The following NOS1AP variants were observed in gnomAD, a reference collection of about 807,000 sequenced individuals.
NOS1AP encodes carboxyl-terminal PDZ ligand of neuronal nitric oxide synthase protein.
A neutral mutation model predicts 56.2 loss-of-function variants in NOS1AP; 21 were observed. The ratio of observed to expected loss-of-function variants is 0.37; its 90% CI spans 0.26 to 0.54. The LOEUF is 0.54. NOS1AP is among the 20% of genes least tolerant of loss of function. NOS1AP has a pLI of 0.84. For synonymous variants in NOS1AP, 270 were observed against 274.6 expected (o/e 0.98, Z 0.17); for missense variants, 522 against 657.8 (o/e 0.79, Z 2.26).
At chr1:162,353,132 C>T (rs1041014975) in intron 6 of NOS1AP, among the ~76,000 whole-genome samples, 15 of 150,230 alleles carry the variant, frequency 1.0e-4, no homozygotes, top group African/African-American at 3.4e-4. Context: ...ATTGTCTTCA[C>T]TCAAGCCCTC....
At chr1:162,153,624 G>A (rs1411581333) in intron 1 of NOS1AP, among the ~76,000 whole-genome samples, 2 of 152,184 alleles carry the variant, frequency 1.3e-5, no homozygotes, top group African/African-American at 4.8e-5. Context: ...TGCCCTAGTT[G>A]TATTTAAAGT....
At chr1:162,279,708 A>G (rs2101728754) in intron 2 of NOS1AP, among the ~76,000 whole-genome samples, 1 of 152,304 alleles carries the variant, frequency 6.6e-6, no homozygotes. Context: ...TTTCTGTTAT[A>G]AAATGGGGTT....
chr1:162,145,819 AG>A (rs1649439277), intron 1 of NOS1AP, among the ~76,000 whole-genome samples: 1 of 152,200 alleles, frequency 6.6e-6, no homozygotes, highest in African/African-American at 2.4e-5. Flanking sequence ...GAGAGGACAC[AG>A]TATGACCAGG....
chr1:162,294,329 G>A (rs192163751), intron 3 of NOS1AP, among the ~76,000 whole-genome samples: 47 of 152,190 alleles, frequency 3.1e-4, no homozygotes, highest in Middle Eastern at 6.8e-3. Context: ...GTTGTCTGTC[G>A]GGATCCCCAC....
rs1337668061 is a variant in NOS1AP, at chr1:162,343,853, G to A, written c.472G>A (p.Val158Ile). ...TTCCCAGAGCCAAGCTATGAGAATCGTTCGGACGGTGGGGCAGGCCTTTGA... is the reference window on the plus strand; with the variant it reads ...TTCCCAGAGCCAAGCTATGAGAATCATTCGGACGGTGGGGCAGGCCTTTGA... Reference protein sequence around the residue: ...SKKKSQAMRIVRTVGQAFEVC... With the variant: ...SKKKSQAMRIIRTVGQAFEVC... The change falls in exon 6 of 10, where the codon GTT (valine) becomes ATT (isoleucine). Residue 158 changes from valine to isoleucine, a missense_variant. This residue lies in a region of NOS1AP where 132 missense variants were observed against 218.1 expected (regional missense o/e 0.61). Transcript: ENST00000361897. 6.2e-7 allele frequency: 1 copy of A among 1,614,098 alleles called. No homozygotes were observed. Among genetic ancestry groups the A allele is most frequent in the South Asian group, 1.1e-5 (1 of 91,080 alleles).
intron 2 of NOS1AP, among the ~76,000 whole-genome samples, chr1:162,284,750 G>A (rs1655040697): frequency 6.6e-6 from 1 of 152,240 alleles, no homozygotes; most frequent in Admixed American, 6.5e-5. Context: ...AATACTAACT[G>A]TAGAAATAGA....
At chr1:162,207,747 A>G (rs1652207743) in intron 2 of NOS1AP, among the ~76,000 whole-genome samples, 4 of 152,208 alleles carry the variant, frequency 2.6e-5, no homozygotes, top group Admixed American at 2.6e-4. Context: ...TCAGTCCCAT[A>G]AAATTGGATG....
At chr1:162,091,193 G>C (rs79812778) in intron 1 of NOS1AP, among the ~76,000 whole-genome samples, 7,401 of 152,120 alleles carry the variant, frequency 0.049, 223 homozygotes, top group African/African-American at 0.079. Context: ...AGTTTCTCTT[G>C]GTGTGGAGTC....
At chr1:162,344,430 C>A (rs536977781) in intron 6 of NOS1AP, among the ~76,000 whole-genome samples, 1 of 151,848 alleles carries the variant, frequency 6.6e-6, no homozygotes, top group African/African-American at 2.4e-5. Flanking sequence ...CGCAGTGTCT[C>A]AAGTCTGTTA....
At chr1:162,107,473 A>G (rs975765456) in intron 1 of NOS1AP, among the ~76,000 whole-genome samples, 2 of 152,068 alleles carry the variant, frequency 1.3e-5, no homozygotes, top group Admixed American at 6.5e-5. Flanking sequence ...AGCTAGGACT[A>G]TAGGTGTGCA....
chr1:162,319,575 A>T (rs1356827006), intron 4 of NOS1AP, among the ~76,000 whole-genome samples: 2 of 149,740 alleles, frequency 1.3e-5, no homozygotes, highest in Admixed American at 1.3e-4. Flanking sequence ...ATGCCTTTCC[A>T]CATGCAGTTT....
At position 162,264,416 on chromosome 1, in the gene NOS1AP, TTCTCTTCC is replaced by T. The variant is rs1450911643; in HGVS notation, c.178-22927_178-22920del. Among the ~76,000 whole-genome samples the T allele has an allele frequency of 8.3e-3, 20 of 2,418 alleles. 3 individuals are homozygous for T. Among genetic ancestry groups the T allele is most frequent in the Non-Finnish European group, 0.03 (15 of 508 alleles). The allele number at this position is 2,418 out of a possible 152,430, so 1.6% of individuals were successfully genotyped here. A position where few individuals can be genotyped will look rare whatever the true frequency, so the allele number is the denominator to read the frequency against. ...CTTTGCCCTCTCCTCTTCTCTTCCCTTCTCTTCCCTTCTCTTCTCTTCTCTTCTCTTCT... is the reference window on the plus strand; with the variant it reads ...CTTTGCCCTCTCCTCTTCTCTTCCCTCTTCTCTTCTCTTCTCTTCTCTTCT... On this transcript the variant is annotated intron_variant, in intron 2 of 9. Coordinates refer to ENST00000361897, the MANE Select transcript of NOS1AP (RefSeq NM_014697.3).
At chr1:162,102,628 A>G (rs1364778514) in intron 1 of NOS1AP, among the ~76,000 whole-genome samples, 1 of 152,098 alleles carries the variant, frequency 6.6e-6, no homozygotes, top group Non-Finnish European at 1.5e-5. Flanking sequence ...TTTTTAGTCT[A>G]TTCAGGGATT....
At chr1:162,158,111 A>G (rs1017794959) in intron 2 of NOS1AP, among the ~76,000 whole-genome samples, 2 of 152,198 alleles carry the variant, frequency 1.3e-5, no homozygotes, top group Non-Finnish European at 1.5e-5. Flanking sequence ...GAACTTTTTC[A>G]TCTTGCAAAA....
chr1:162,342,643 G>C (rs777117370), intron 5 of NOS1AP: 5 of 487,380 alleles, frequency 1.0e-5, no homozygotes, highest in Non-Finnish European at 2.1e-5. Context: ...CTTCAACAAG[G>C]CCTTCTAGAC....
Position 162,367,533 on chromosome 1 carries a change from G to A in NOS1AP, c.*66G>A. 2 of 1,477,890 alleles carry A rather than the reference G, an allele frequency of 1.4e-6. No homozygotes were observed. Among genetic ancestry groups the A allele is most frequent in the African/African-American group, 1.4e-5 (1 of 72,252 alleles). 91.5% of individuals were successfully genotyped at this position (1,477,890 alleles called of 1,614,324 possible). A position where few individuals can be genotyped will look rare whatever the true frequency, so the allele number is the denominator to read the frequency against. On this transcript the variant is annotated 3_prime_UTR_variant, in exon 10 of 10. Coordinates refer to ENST00000361897, the MANE Select transcript of NOS1AP (RefSeq NM_014697.3). This position sits in a 1 kb window ranked among gnomAD's most constrained non-coding sequence, Gnocchi z 6.5. ...GGGGCCGTGTCTGGCTGCTGCCCGG[G>A]TAGGGGATGCCCAGTGAATGTGCAC...
At chr1:162,305,691 A>G (rs927913034) in intron 4 of NOS1AP, among the ~76,000 whole-genome samples, 2 of 152,194 alleles carry the variant, frequency 1.3e-5, no homozygotes, top group Non-Finnish European at 2.9e-5. Flanking sequence ...TTATCAGTGT[A>G]AAATGTGGAA....
chr1:162,347,814 A>T (rs1267502101), intron 6 of NOS1AP, among the ~76,000 whole-genome samples: 1 of 152,114 alleles, frequency 6.6e-6, no homozygotes, highest in Non-Finnish European at 1.5e-5. Flanking sequence ...CCCTGAACAT[A>T]TAGTAAGTAT....
At chr1:162,328,529 C>A (rs1248431697) in intron 4 of NOS1AP, among the ~76,000 whole-genome samples, 1 of 152,200 alleles carries the variant, frequency 6.6e-6, no homozygotes, top group Admixed American at 6.5e-5. Flanking sequence ...TAACCATTTG[C>A]TGTAAGCTGA....
Sources: allele counts gnomAD v4.1 joint callset (sites outside exome capture counted in the v4.1 genomes callset), GRCh38; gene constraint gnomAD v4.1.1; regional missense constraint gnomAD v4.1.1; non-coding constraint Gnocchi (gnomAD v3.1); transcripts MANE v1.5; gene names NCBI Gene and HGNC (gene_info 2026-07-23, HGNC 2026-07-21).